MGAT4C: variants seen among roughly 807,000 people sequenced by gnomAD.
The protein encoded by MGAT4C is alpha-1,3-mannosyl-glycoprotein 4-beta-N-acetylglucosaminyltransferase C.
MGAT4C carries 19 observed loss-of-function variants against 40.1 expected under a neutral mutation model. That is an observed-to-expected ratio of 0.47 (90% CI 0.33 to 0.70). The LOEUF (loss-of-function observed/expected upper bound fraction) is 0.70, where lower values mean the gene tolerates loss of function less well. Among genes scored for constraint, MGAT4C ranks in the 30% least tolerant of loss-of-function variants. The probability of loss-of-function intolerance (pLI) is 0.02; values close to 1 mark genes in which losing one functional copy is unlikely to be tolerated. For missense variants in MGAT4C, 491 were observed against 563.2 expected (o/e 0.87, Z 1.30); for synonymous variants, 181 against 187.1 (o/e 0.97, Z 0.27).
chr12:86,739,312 A>ACAAT (rs1951030995), intron 1 of MGAT4C, among the ~76,000 whole-genome samples: 3 of 150,084 alleles, frequency 2.0e-5, no homozygotes, highest in Admixed American at 1.3e-4. Flanking sequence ...TATTTTATTC[A>ACAAT]TAAAGAGTAA....
chr12:86,830,128 G>T (rs534241716), intron 1 of MGAT4C, among the ~76,000 whole-genome samples: 1 of 151,508 alleles, frequency 6.6e-6, no homozygotes, highest in East Asian at 2.0e-4. Context: ...GACTGGAACT[G>T]CCTGCCCATG....
chr12:86,667,733 A>G (rs1178837626), intron 2 of MGAT4C, among the ~76,000 whole-genome samples: 1 of 152,136 alleles, frequency 6.6e-6, no homozygotes, highest in East Asian at 1.9e-4. Context: ...CCAAAATATG[A>G]TTTTCTTATG....
At chr12:86,173,838 T>C (rs1887106949) in intron 1 of MGAT4C, among the ~76,000 whole-genome samples, 1 of 152,114 alleles carries the variant, frequency 6.6e-6, no homozygotes, top group Admixed American at 6.6e-5. Flanking sequence ...TTACATTTCA[T>C]TTTTGAGAGC....
chr12:86,553,899 C>A (rs766099112), intron 2 of MGAT4C, among the ~76,000 whole-genome samples: 2 of 152,060 alleles, frequency 1.3e-5, no homozygotes, highest in African/African-American at 2.4e-5. Flanking sequence ...CAGAAATTTC[C>A]AGAACTTCTT....
chr12:86,629,173 G>A (rs1214110413), intron 2 of MGAT4C, among the ~76,000 whole-genome samples: 1 of 152,048 alleles, frequency 6.6e-6, no homozygotes, highest in African/African-American at 2.4e-5. Context: ...ATTACATAAT[G>A]GTAAAGGATC....
At chr12:86,194,442 G>A (rs1289743635) in intron 1 of MGAT4C, among the ~76,000 whole-genome samples, 1 of 151,018 alleles carries the variant, frequency 6.6e-6, no homozygotes, top group Non-Finnish European at 1.5e-5. Flanking sequence ...AGGCAGGAGA[G>A]TAGGAGCAAA....
chr12:86,806,086 T>A (rs1952347080), intron 1 of MGAT4C, among the ~76,000 whole-genome samples: 1 of 151,920 alleles, frequency 6.6e-6, no homozygotes, highest in African/African-American at 2.4e-5. Context: ...TCTTTAGTTG[T>A]CCTTAAAATT....
chr12:85,989,128 T>C (rs1002011518), intron 3 of MGAT4C, among the ~76,000 whole-genome samples: 5 of 152,200 alleles, frequency 3.3e-5, no homozygotes, highest in Admixed American at 2.6e-4. Flanking sequence ...CACATATTTA[T>C]TCTGCATAGT....
intron 2 of MGAT4C, among the ~76,000 whole-genome samples, chr12:86,442,716 G>A (rs1565766081): frequency 6.7e-6 from 1 of 149,242 alleles, no homozygotes; most frequent in Non-Finnish European, 1.5e-5. Context: ...CTCTGTTTTG[G>A]TACCAGTACC....
intron 2 of MGAT4C, among the ~76,000 whole-genome samples, chr12:86,568,338 A>C (rs528259099): frequency 6.6e-6 from 1 of 152,164 alleles, no homozygotes; most frequent in East Asian, 1.9e-4. Flanking sequence ...GCCCTCGAAC[A>C]TCAGACTCCA....
intron 2 of MGAT4C, among the ~76,000 whole-genome samples, chr12:85,995,021 A>G (rs1886451376): frequency 6.6e-6 from 1 of 152,272 alleles, no homozygotes; most frequent in Admixed American, 6.5e-5. Flanking sequence ...TTCAGTCACT[A>G]GAAATTGGTA....
At chr12:86,705,078 G>C (rs952612375) in intron 2 of MGAT4C, among the ~76,000 whole-genome samples, 1 of 151,844 alleles carries the variant, frequency 6.6e-6, no homozygotes, top group Non-Finnish European at 1.5e-5. Flanking sequence ...ATTTGTTCAG[G>C]GCAAGTAAGC....
chr12:86,075,148 G>A (rs1869437442), intron 1 of MGAT4C, among the ~76,000 whole-genome samples: 1 of 152,184 alleles, frequency 6.6e-6, no homozygotes, highest in Admixed American at 6.5e-5. Context: ...TCAAAAGCGA[G>A]CTTGTTACCT....
chr12:86,627,848 T>C (rs145813149), intron 2 of MGAT4C, among the ~76,000 whole-genome samples: 13 of 151,182 alleles, frequency 8.6e-5, no homozygotes, highest in South Asian at 2.1e-4. Flanking sequence ...CTCCAAAGGA[T>C]TGCAGCTCCT....
intron 4 of MGAT4C, among the ~76,000 whole-genome samples, chr12:86,284,159 A>T (rs556973820): frequency 6.6e-6 from 1 of 152,154 alleles, no homozygotes; most frequent in East Asian, 1.9e-4. Context: ...GGAAATATAA[A>T]TCAATGATTC....
chr12:86,536,150 A>T (rs748084652), intron 2 of MGAT4C, among the ~76,000 whole-genome samples: 42 of 152,104 alleles, frequency 2.8e-4, no homozygotes, highest in Non-Finnish European at 6.0e-4. Flanking sequence ...CCTCCAGCTA[A>T]CCTTTAATTT....
Position 85,977,570 on chromosome 12 carries a change from G to GA in MGAT4C, c.*1718dup, listed in dbSNP as rs1884087452. On this transcript the variant is annotated 3_prime_UTR_variant, in exon 5 of 5. Transcript: ENST00000611864. Reference sequence around the variant, plus strand: ...TAACACTTTAGTAGCTGAATACAAAGAAAATACACAACAGCTGTTTATAAA... The same window carrying GA: ...TAACACTTTAGTAGCTGAATACAAAGAAAAATACACAACAGCTGTTTATAAA... 6.6e-6 allele frequency: 1 copy of GA among 151,148 alleles called. No homozygotes were observed. Among genetic ancestry groups the GA allele is most frequent in the Non-Finnish European group, 1.5e-5 (1 of 67,460 alleles). The allele number at this position is 151,148 out of a possible 1,614,324, so 9.4% of individuals were successfully genotyped here.
At chr12:86,303,957 A>G (rs1460113250) in intron 4 of MGAT4C, among the ~76,000 whole-genome samples, 1 of 150,014 alleles carries the variant, frequency 6.7e-6, no homozygotes, top group Non-Finnish European at 1.5e-5. Flanking sequence ...TCTGTGTCAT[A>G]TTTATTTACT....
intron 2 of MGAT4C, among the ~76,000 whole-genome samples, chr12:86,446,682 T>TATATATATATATACAC (rs1555190155): frequency 6.2e-5 from 7 of 113,446 alleles, no homozygotes; most frequent in Non-Finnish European, 1.1e-4. Flanking sequence ...TATATATATA[T>TATATATATATATACAC]ATATATATAT....
Sources: gnomAD v4.1 joint callset for allele counts (sites outside exome capture counted in the v4.1 genomes callset) on GRCh38, gnomAD v4.1.1 for gene constraint, MANE v1.5 for transcripts, NCBI Gene and HGNC (gene_info 2026-07-23, HGNC 2026-07-21) for gene names.